CNTN1: variants seen among roughly 807,000 people sequenced by gnomAD.
CNTN1 encodes the protein contactin-1.
CNTN1 carries 38 observed loss-of-function variants against 126.4 expected under a neutral mutation model. The observed-to-expected ratio is 0.30, with a 90% CI of 0.23 to 0.39. The LOEUF (loss-of-function observed/expected upper bound fraction) is 0.39. CNTN1 is among the 10% of genes least tolerant of loss of function. CNTN1 has a pLI of 1.00. For synonymous variants in CNTN1, 413 were observed against 422.6 expected (o/e 0.98, Z 0.28); for missense variants, 1,009 against 1,248.4 (o/e 0.81, Z 2.89).
At chr12:40,972,390 A>G in intron 15 of CNTN1, 1 of 984,188 alleles carries the variant, frequency 1.0e-6, no homozygotes, top group South Asian at 4.7e-5. Flanking sequence ...AGATGTGCTT[A>G]AAATTCTTAT....
At chr12:40,722,974 T>A (rs1167432326) in intron 1 of CNTN1, among the ~76,000 whole-genome samples, 1 of 152,082 alleles carries the variant, frequency 6.6e-6, no homozygotes, top group Non-Finnish European at 1.5e-5. Flanking sequence ...TAAATAGAAT[T>A]TATTGGCTTT....
At chr12:40,920,916 T>A (rs1466839192) in intron 4 of CNTN1, among the ~76,000 whole-genome samples, 1 of 152,106 alleles carries the variant, frequency 6.6e-6, no homozygotes, top group African/African-American at 2.4e-5. Context: ...CAGATCCATG[T>A]GGAGGAAGGT....
intron 4 of CNTN1, among the ~76,000 whole-genome samples, chr12:40,919,840 A>G (rs559951489): frequency 2.4e-4 from 37 of 152,322 alleles, no homozygotes; most frequent in Non-Finnish European, 4.4e-4. Flanking sequence ...TAAATTATAA[A>G]TAACACATTT....
chr12:41,059,939 T>A (rs1949904694), intron 23 of CNTN1, among the ~76,000 whole-genome samples: 1 of 151,944 alleles, frequency 6.6e-6, no homozygotes, highest in Admixed American at 6.6e-5. Context: ...AGTGAGAGGA[T>A]CACTTGAGCC....
At chr12:40,981,114 T>C in intron 16 of CNTN1, 47 bp downstream of exon 16, 2 of 1,602,466 alleles carry the variant, frequency 1.2e-6, no homozygotes, top group Non-Finnish European at 8.5e-7. Flanking sequence ...TCAAAGTGAA[T>C]TCTTTTCTCA....
intron 1 of CNTN1, among the ~76,000 whole-genome samples, chr12:40,739,998 T>C (rs1410870723): frequency 1.3e-5 from 2 of 152,050 alleles, no homozygotes; most frequent in Non-Finnish European, 2.9e-5. Context: ...TGTTAGTCCA[T>C]ACATTCAATA....
intron 15 of CNTN1, chr12:40,972,038 G>A: frequency 1.0e-6 from 1 of 986,104 alleles, no homozygotes; most frequent in Admixed American, 6.2e-5. Context: ...ATGAAAGAAT[G>A]AAAAGCATTA....
chr12:40,925,579 G>A lies in CNTN1; in HGVS notation c.496+927G>A, dbSNP rs1446572772. Among the ~76,000 whole-genome samples the A allele has an allele frequency of 3.0e-4, 32 of 106,230 alleles. 1 individual carries two copies. The highest frequency in any genetic ancestry group is 1.1e-3 in the African/African-American group (30 of 27,330). 69.7% of individuals were successfully genotyped at this position (106,230 alleles called of 152,430 possible). ...TATACACGTATATATACGTATATAC[G>A]TATATATACATGTATATATATATAT... On this transcript the variant is annotated intron_variant, in intron 6 of 23. Coordinates refer to ENST00000551295, the MANE Select transcript of CNTN1 (RefSeq NM_001843.4).
intron 14 of CNTN1, among the ~76,000 whole-genome samples, chr12:40,957,067 T>A (rs1030791681): frequency 6.6e-6 from 1 of 151,694 alleles, no homozygotes; most frequent in African/African-American, 2.4e-5. Context: ...AAAATGAGTA[T>A]TTGAGGAAGG....
Position 41,059,856 on chromosome 12 carries a change from A to G in CNTN1, c.2981-10103A>G, listed in dbSNP as rs1949902615. Among the ~76,000 whole-genome samples the G allele has an allele frequency of 2.0e-5, 3 of 151,962 alleles. No homozygotes were observed. In the South Asian group the frequency reaches 6.2e-4, roughly 32 times the overall value. ...CCTGGGCAACATTGTGAGACCCTAT[A>G]TCTACGAAAAATATAAAAACTTAGC... On this transcript the variant is annotated intron_variant, in intron 23 of 23. Coordinates refer to ENST00000551295, the MANE Select transcript of CNTN1 (RefSeq NM_001843.4).
intron 23 of CNTN1, among the ~76,000 whole-genome samples, chr12:41,030,898 A>G (rs1346153514): frequency 2.6e-5 from 4 of 152,212 alleles, no homozygotes; most frequent in African/African-American, 9.6e-5. Context: ...AACTTTGTCA[A>G]CATCTTCAAT....
At chr12:40,983,643 A>G (rs1947876693) in intron 16 of CNTN1, among the ~76,000 whole-genome samples, 1 of 151,136 alleles carries the variant, frequency 6.6e-6, no homozygotes, top group Admixed American at 6.6e-5. Flanking sequence ...AGGTTTTATA[A>G]TTTTATTAGC....
chr12:40,933,536 C>T lies in CNTN1; in HGVS notation c.779C>T (p.Thr260Ile). Residue 260 changes from threonine (T) to isoleucine (I), a missense_variant, in exon 8 of 24, where the codon ACC (threonine) becomes ATC (isoleucine). Transcript: ENST00000551295. The stretch of plus-strand genomic sequence containing the variant: ...TATGCATTGATGGGCCAAAATGTGA[C>T]CTTAGAATGTTTTGCACTTGGAAAG... ...DVYALMGQNV[T>I]LECFALGNPV... is the part of the protein sequence containing the mutation. 1 of 1,610,566 alleles carries T rather than the reference C, an allele frequency of 6.2e-7. No individual in the cohort carries two copies. Among genetic ancestry groups the T allele is most frequent in the Non-Finnish European group, 8.5e-7 (1 of 1,177,256 alleles).
At chr12:40,845,903 G>C (rs1352689103) in intron 1 of CNTN1, among the ~76,000 whole-genome samples, 1 of 152,138 alleles carries the variant, frequency 6.6e-6, no homozygotes, top group African/African-American at 2.4e-5. Flanking sequence ...AATAAAAAAT[G>C]AATATTAGTG....
At chr12:40,786,067 T>C (rs1387443211) in intron 1 of CNTN1, among the ~76,000 whole-genome samples, 1 of 152,208 alleles carries the variant, frequency 6.6e-6, no homozygotes, top group East Asian at 1.9e-4. Context: ...AACATAGTTC[T>C]GTAGGTCAGA....
intron 1 of CNTN1, among the ~76,000 whole-genome samples, chr12:40,855,708 C>A (rs533055668): frequency 6.6e-6 from 1 of 151,932 alleles, no homozygotes; most frequent in African/African-American, 2.4e-5. Flanking sequence ...AAAAGAAGTA[C>A]AACTTTATTG....
rs578210002 is a variant in CNTN1 at position 40,722,220 on chromosome 12, G to A, written c.-77+29628G>A. On this transcript the variant is annotated intron_variant, in intron 1 of 23. Coordinates refer to ENST00000551295, the MANE Select transcript of CNTN1 (RefSeq NM_001843.4). ...GTGGCTCATTTGGTGACAAAAATTTGATCTTGACCTGAACTCACTTGTTAG... is the reference window on the plus strand; with the variant it reads ...GTGGCTCATTTGGTGACAAAAATTTAATCTTGACCTGAACTCACTTGTTAG... Among the ~76,000 whole-genome samples the A allele has an allele frequency of 1.5e-4, 23 of 152,196 alleles. No individual in the cohort carries two copies. The South Asian group carries it at 4.8e-3, about 32-fold the overall frequency.
intron 1 of CNTN1, among the ~76,000 whole-genome samples, chr12:40,848,825 G>GTTTTTT (rs11318215): frequency 1.5e-5 from 2 of 135,866 alleles, no homozygotes; most frequent in African/African-American, 2.7e-5. Context: ...CACCAGGTGT[G>GTTTTTT]TTTTTTTTTT....
intron 1 of CNTN1, among the ~76,000 whole-genome samples, chr12:40,843,077 C>G (rs545421652): frequency 6.6e-6 from 1 of 152,158 alleles, no homozygotes; most frequent in Non-Finnish European, 1.5e-5. Flanking sequence ...CTGTCAGCTT[C>G]TCTGAATACG....
Sources: gnomAD v4.1 joint callset for allele counts (sites outside exome capture counted in the v4.1 genomes callset) on GRCh38, gnomAD v4.1.1 for gene constraint, MANE v1.5 for transcripts, NCBI Gene and HGNC (gene_info 2026-07-23, HGNC 2026-07-21) for gene names.